The following NOL4 variants were observed in gnomAD, a reference collection of about 807,000 sequenced individuals.
The protein encoded by NOL4 is cancer/testis antigen 125.
Under a neutral mutation model 75.9 loss-of-function variants are expected in NOL4, and 17 were observed. The ratio of observed to expected loss-of-function variants is 0.22; its 90% CI spans 0.15 to 0.34. NOL4 has a LOEUF of 0.34. Ranked by LOEUF, NOL4 falls within the 10% of genes least tolerant of loss-of-function variation. The pLI, the probability that NOL4 is intolerant of heterozygous loss-of-function variation, is 1.00. For synonymous variants in NOL4, 292 were observed against 289.9 expected, an observed-to-expected ratio of 1.01 and a Z score of -0.07; for missense variants, 614 against 793.5, an observed-to-expected ratio of 0.77 and a Z score of 2.72.
At chr18:34,018,013 C>A (rs185444227) in intron 6 of NOL4, among the ~76,000 whole-genome samples, 1 of 151,966 alleles carries the variant, frequency 6.6e-6, no homozygotes, top group African/African-American at 2.4e-5. Context: ...TAATAAGCAT[C>A]GTTCCCAGAG....
intron 1 of NOL4, among the ~76,000 whole-genome samples, chr18:34,187,367 C>CTT (rs1348333203): frequency 7.6e-6 from 1 of 131,254 alleles, no homozygotes; most frequent in Non-Finnish European, 1.6e-5. Flanking sequence ...TAATAGTCCA[C>CTT]TTCTTTTTTT....
intron 1 of NOL4, among the ~76,000 whole-genome samples, chr18:34,168,082 C>A (rs1273414863): frequency 6.6e-6 from 1 of 151,586 alleles, no homozygotes; most frequent in East Asian, 1.9e-4. Context: ...AAAGAATTTT[C>A]TATAAGTGAC....
intron 5 of NOL4, among the ~76,000 whole-genome samples, chr18:34,056,017 T>C (rs1034124720): frequency 6.6e-6 from 1 of 152,224 alleles, no homozygotes; most frequent in Non-Finnish European, 1.5e-5. Flanking sequence ...TGTTCATACA[T>C]TGTTTTCTGG....
chr18:33,998,148 A>C (rs1378421519), intron 6 of NOL4, among the ~76,000 whole-genome samples: 1 of 152,040 alleles, frequency 6.6e-6, no homozygotes, highest in African/African-American at 2.4e-5. Context: ...GTCATAGTTA[A>C]GGGGTATAAT....
At chr18:34,058,448 T>G (rs765067198) in intron 5 of NOL4, among the ~76,000 whole-genome samples, 1 of 152,144 alleles carries the variant, frequency 6.6e-6, no homozygotes, top group African/African-American at 2.4e-5. Flanking sequence ...TATTTCTAAC[T>G]CTTTGTTTTT....
At chr18:34,108,625 T>C (rs1351931763) in intron 2 of NOL4, among the ~76,000 whole-genome samples, 2 of 152,052 alleles carry the variant, frequency 1.3e-5, no homozygotes, top group Non-Finnish European at 2.9e-5. Context: ...AATGATAAAG[T>C]CAATTCATCA....
At chr18:34,176,599 A>G (rs544033679) in intron 1 of NOL4, among the ~76,000 whole-genome samples, 1 of 152,168 alleles carries the variant, frequency 6.6e-6, no homozygotes, top group East Asian at 1.9e-4. Flanking sequence ...ATTAGGGCTA[A>G]ATGAGATCAT....
rs1417704907 is a variant in NOL4 at position 34,222,778 on chromosome 18, C to T, written c.264+212G>A. On this transcript the variant is annotated intron_variant, in intron 1 of 10. Coordinates refer to ENST00000261592, the MANE Select transcript of NOL4 (RefSeq NM_003787.5). Reference sequence around the variant, plus strand: ...GAGGCCAGCTCTGGAGGTGCGCTGCCGCTTTAAAATAAAGGACCACAAAGA... The same window carrying T: ...GAGGCCAGCTCTGGAGGTGCGCTGCTGCTTTAAAATAAAGGACCACAAAGA... Among the ~76,000 whole-genome samples, 3 of 152,168 alleles carry T rather than the reference C, an allele frequency of 2.0e-5. No homozygotes were observed. The East Asian group carries it at 5.9e-4, about 30-fold the overall frequency.
chr18:34,152,691 T>C (rs2081702598), intron 1 of NOL4, among the ~76,000 whole-genome samples: 1 of 151,842 alleles, frequency 6.6e-6, no homozygotes, highest in South Asian at 2.1e-4. Context: ...AATACAATAA[T>C]AGCTTCACGA....
chr18:34,080,974 A>G (rs2077985126), intron 5 of NOL4, among the ~76,000 whole-genome samples: 1 of 152,210 alleles, frequency 6.6e-6, no homozygotes, highest in Non-Finnish European at 1.5e-5. Context: ...TCTGGAACTT[A>G]TTTATAAAAT....
chr18:34,018,958 A>G (rs1408869349), intron 6 of NOL4, among the ~76,000 whole-genome samples: 1 of 152,158 alleles, frequency 6.6e-6, no homozygotes, highest in Non-Finnish European at 1.5e-5. Flanking sequence ...AGGAGAAACT[A>G]GATAGTGATC....
At chr18:34,002,005 C>T (rs544954484) in intron 6 of NOL4, among the ~76,000 whole-genome samples, 15 of 152,092 alleles carry the variant, frequency 9.9e-5, no homozygotes, top group Non-Finnish European at 2.1e-4. Flanking sequence ...CAGAAACCTA[C>T]CTTAGTGACT....
At chr18:34,082,991 C>T (rs4073420) in intron 5 of NOL4, among the ~76,000 whole-genome samples, 8,242 of 152,150 alleles carry the variant, frequency 0.054, 295 homozygotes, top group Middle Eastern at 0.085. Flanking sequence ...TGAAGGAAAT[C>T]CCAAGAAATA....
At chr18:34,132,445 A>C (rs759906823) in intron 1 of NOL4, among the ~76,000 whole-genome samples, 29 of 152,224 alleles carry the variant, frequency 1.9e-4, no homozygotes, top group Non-Finnish European at 3.7e-4. Flanking sequence ...CATTGTCTCA[A>C]GAAATTGGAA....
chr18:34,033,356 T>G (rs908793794), intron 5 of NOL4, among the ~76,000 whole-genome samples: 3 of 152,154 alleles, frequency 2.0e-5, no homozygotes, highest in African/African-American at 7.2e-5. Context: ...ATAGATATTA[T>G]TTTAAAATAC....
chr18:34,050,748 T>G (rs2076593133), intron 5 of NOL4, among the ~76,000 whole-genome samples: 1 of 152,076 alleles, frequency 6.6e-6, no homozygotes, highest in Non-Finnish European at 1.5e-5. Context: ...AATATGTTTG[T>G]CTTATGGGAA....
At chr18:33,969,156 T>C (rs1221433365) in intron 6 of NOL4, among the ~76,000 whole-genome samples, 2 of 152,286 alleles carry the variant, frequency 1.3e-5, no homozygotes, top group African/African-American at 4.8e-5. Flanking sequence ...ATGAGTCTTA[T>C]GTTTTCTTCA....
intron 6 of NOL4, among the ~76,000 whole-genome samples, chr18:34,016,004 G>A (rs1304878709): frequency 2.0e-5 from 3 of 151,954 alleles, no homozygotes; most frequent in Non-Finnish European, 2.9e-5. Context: ...CAGTGGACAA[G>A]GTAAACATCA....
At chr18:34,013,744 T>C (rs996944531) in intron 6 of NOL4, among the ~76,000 whole-genome samples, 12 of 152,000 alleles carry the variant, frequency 7.9e-5, no homozygotes, top group Non-Finnish European at 1.8e-4. Flanking sequence ...TTCTGTATTA[T>C]AATACACTCA....
Sources: allele counts gnomAD v4.1 joint callset (sites outside exome capture counted in the v4.1 genomes callset), GRCh38; gene constraint gnomAD v4.1.1; transcripts MANE v1.5; gene names NCBI Gene and HGNC (gene_info 2026-07-23, HGNC 2026-07-21).